The following NKAIN3 variants were observed in gnomAD, a reference collection of about 807,000 sequenced individuals.
NKAIN3 encodes the protein sodium/potassium-transporting ATPase subunit beta-1-interacting protein 3.
NKAIN3 carries 25 observed loss-of-function variants against 30.2 expected under a neutral mutation model. The observed-to-expected ratio is 0.83, with a 90% CI of 0.60 to 1.16. The LOEUF (loss-of-function observed/expected upper bound fraction) is 1.16. Among genes scored for constraint, NKAIN3 ranks in the 50% most tolerant of loss-of-function variants. The pLI, the probability that NKAIN3 is intolerant of heterozygous loss-of-function variation, is 0.00. For synonymous variants in NKAIN3, 91 were observed against 89.6 expected, an observed-to-expected ratio of 1.02 and a Z score of -0.09; for missense variants, 225 against 254.1, an observed-to-expected ratio of 0.89 and a Z score of 0.78.
At chr8:62,347,629 A>G (rs1480890050) in intron 1 of NKAIN3, among the ~76,000 whole-genome samples, 2 of 152,156 alleles carry the variant, frequency 1.3e-5, no homozygotes, top group Non-Finnish European at 2.9e-5. Context: ...CTAAACAAGG[A>G]TTAAAAAATA....
At chr8:62,692,939 A>G (rs1354220120) in intron 3 of NKAIN3, among the ~76,000 whole-genome samples, 2 of 152,032 alleles carry the variant, frequency 1.3e-5, no homozygotes, top group East Asian at 3.9e-4. Flanking sequence ...CAATCTCCTT[A>G]TTTTGCCTTC....
chr8:62,572,176 G>A (rs766059187), intron 1 of NKAIN3, among the ~76,000 whole-genome samples: 28 of 152,110 alleles, frequency 1.8e-4, no homozygotes, highest in Non-Finnish European at 3.5e-4. Context: ...ATGCTTTGCT[G>A]CTTAGAAATT....
intron 3 of NKAIN3, among the ~76,000 whole-genome samples, chr8:62,696,084 T>G (rs1814145594): frequency 6.6e-6 from 1 of 151,978 alleles, no homozygotes; most frequent in African/African-American, 2.4e-5. Context: ...ATTGGGGAAC[T>G]GAGCTTTTGA....
In NKAIN3 at chr8:62,316,537, T is replaced by A. The variant is rs1003442171; in HGVS notation, c.54+67410T>A. Among the ~76,000 whole-genome samples the A allele has an allele frequency of 2.2e-4, 33 of 152,234 alleles. 1 individual carries two copies. The highest frequency in any genetic ancestry group is 7.7e-4 in the African/African-American group (32 of 41,544). On this transcript the variant is annotated intron_variant, in intron 1 of 6. Coordinates refer to ENST00000623646, the MANE Select transcript of NKAIN3 (RefSeq NM_001304533.3). Reference sequence around the variant, plus strand: ...AGTGAGAACATGTGGGGTTTGGTTTTTTGTCCTTGTGATAGTTTGCTGAGA... The same window carrying A: ...AGTGAGAACATGTGGGGTTTGGTTTATTGTCCTTGTGATAGTTTGCTGAGA...
rs1237063735 is a variant in NKAIN3, at chr8:62,971,362, C to T, written c.*5955C>T. On this transcript the variant is annotated 3_prime_UTR_variant, in exon 7 of 7. Coordinates refer to ENST00000623646, the MANE Select transcript of NKAIN3 (RefSeq NM_001304533.3). ...ACTAAAAAGTAAGAGCTTTGCTGGA[C>T]ATGGTGGCTTATGCCTGTAATTTCA... Among the ~76,000 whole-genome samples, 3 of 152,122 alleles carry T rather than the reference C, an allele frequency of 2.0e-5. No homozygotes were observed. Among genetic ancestry groups the T allele is most frequent in the Non-Finnish European group, 2.9e-5 (2 of 68,018 alleles).
At chr8:62,697,070 C>T (rs1344813089) in intron 3 of NKAIN3, among the ~76,000 whole-genome samples, 3 of 152,132 alleles carry the variant, frequency 2.0e-5, no homozygotes, top group Non-Finnish European at 4.4e-5. Context: ...TGCCTCTCTA[C>T]AGTTTATTTT....
intron 4 of NKAIN3, among the ~76,000 whole-genome samples, chr8:62,788,137 A>G (rs1817582703): frequency 6.6e-6 from 1 of 152,192 alleles, no homozygotes; most frequent in Admixed American, 6.5e-5. Context: ...AGGTTGAACT[A>G]GTTTACAGTC....
intron 1 of NKAIN3, among the ~76,000 whole-genome samples, chr8:62,494,506 T>G (rs1807173343): frequency 6.6e-6 from 1 of 152,106 alleles, no homozygotes; most frequent in Non-Finnish European, 1.5e-5. Flanking sequence ...CTGCCAGGTT[T>G]TGGTTTCGGG....
intron 4 of NKAIN3, among the ~76,000 whole-genome samples, chr8:62,869,005 T>C (rs185023617): frequency 3.6e-4 from 55 of 152,234 alleles, no homozygotes; most frequent in African/African-American, 1.1e-3. Context: ...GTAGACTCTG[T>C]TGATGGGAAT....
chr8:62,372,976 G>A (rs1287873943), intron 1 of NKAIN3, among the ~76,000 whole-genome samples: 7 of 152,126 alleles, frequency 4.6e-5, no homozygotes, highest in African/African-American at 1.4e-4. Flanking sequence ...ATTCTGCAAA[G>A]CAACTTTGCA....
chr8:62,939,095 G>A (rs1423272422), intron 5 of NKAIN3, among the ~76,000 whole-genome samples: 1 of 151,836 alleles, frequency 6.6e-6, no homozygotes, highest in African/African-American at 2.4e-5. Context: ...CACACTTAGA[G>A]AAATGCAAAA....
intron 4 of NKAIN3, among the ~76,000 whole-genome samples, chr8:62,826,170 C>T (rs1819015194): frequency 6.6e-6 from 1 of 152,056 alleles, no homozygotes; most frequent in Admixed American, 6.6e-5. Flanking sequence ...AGCCTCATTT[C>T]CTAACTTAAA....
chr8:62,650,765 A>C (rs1812597922), intron 3 of NKAIN3, among the ~76,000 whole-genome samples: 1 of 152,110 alleles, frequency 6.6e-6, no homozygotes, highest in South Asian at 2.1e-4. Context: ...TGCCATTGCT[A>C]TGCTATTCTC....
intron 1 of NKAIN3, among the ~76,000 whole-genome samples, chr8:62,252,668 G>A (rs1223724115): frequency 2.0e-5 from 3 of 152,094 alleles, no homozygotes; most frequent in Non-Finnish European, 2.9e-5. Context: ...CATCAAAAAC[G>A]ATGTGAAATA....
intron 4 of NKAIN3, among the ~76,000 whole-genome samples, chr8:62,822,876 C>T (rs897810915): frequency 2.0e-5 from 3 of 152,168 alleles, no homozygotes; most frequent in Admixed American, 6.6e-5. Context: ...CTTCTACACA[C>T]TTAGGTTATA....
At chr8:62,300,164 C>A (rs1813994406) in intron 1 of NKAIN3, among the ~76,000 whole-genome samples, 2 of 151,880 alleles carry the variant, frequency 1.3e-5, no homozygotes, top group South Asian at 4.2e-4. Flanking sequence ...GGTTGGTGTG[C>A]ATGTGAGTCA....
At chr8:62,930,303 G>T (rs1289972989) in intron 5 of NKAIN3, among the ~76,000 whole-genome samples, 2 of 152,006 alleles carry the variant, frequency 1.3e-5, no homozygotes, top group African/African-American at 4.8e-5. Context: ...CCCCAGGCTG[G>T]AGTGTGATGG....
At chr8:62,870,250 CTATA>C (rs370536390) in intron 4 of NKAIN3, among the ~76,000 whole-genome samples, 6 of 98,866 alleles carry the variant, frequency 6.1e-5, no homozygotes, top group African/African-American at 2.9e-4. Flanking sequence ...CTATAGATAT[CTATA>C]TATATATCTA....
At chr8:62,341,884 A>G (rs1007916234) in intron 1 of NKAIN3, among the ~76,000 whole-genome samples, 7 of 151,996 alleles carry the variant, frequency 4.6e-5, no homozygotes, top group Non-Finnish European at 8.8e-5. Context: ...TTTTTACTCT[A>G]TGCTGTTTCT....
Sources: gnomAD v4.1 joint callset for allele counts (sites outside exome capture counted in the v4.1 genomes callset) on GRCh38, gnomAD v4.1.1 for gene constraint, MANE v1.5 for transcripts, NCBI Gene and HGNC (gene_info 2026-07-23, HGNC 2026-07-21) for gene names.